Variants in PHF21B observed in about 807,000 individuals in gnomAD.
PHF21B encodes PHD finger protein 4.
PHF21B carries 22 observed loss-of-function variants against 62.2 expected under a neutral mutation model. The ratio of observed to expected loss-of-function variants is 0.35; its 90% CI spans 0.25 to 0.51. PHF21B has a LOEUF of 0.51. PHF21B is among the 20% of genes least tolerant of loss of function. The pLI is 0.97. For synonymous variants in PHF21B, 341 were observed against 314.7 expected (o/e 1.08, Z -0.88); for missense variants, 701 against 707.9 (o/e 0.99, Z 0.11).
rs543396043 is a variant in PHF21B at position 44,934,105 on chromosome 22, C to T, written c.121-13615G>A. ...CTCCTCTGACGTGGGCATGGCAGCC[C>T]GTCCCCTCCTGGGGACTGCTGACCC... On this transcript the variant is annotated intron_variant, in intron 2 of 12. Coordinates refer to ENST00000313237, the MANE Select transcript of PHF21B (RefSeq NM_138415.5). 4.6e-4 allele frequency among the ~76,000 whole-genome samples: 70 copies of T among 152,318 alleles called. 1 individual carries two copies. The highest frequency in any genetic ancestry group is 1.3e-3 in the Admixed American group (20 of 15,308).
intron 2 of PHF21B, among the ~76,000 whole-genome samples, chr22:44,946,377 G>C (rs749363454): frequency 6.6e-6 from 1 of 152,178 alleles, no homozygotes; most frequent in Non-Finnish European, 1.5e-5. Flanking sequence ...GATCCCTCCT[G>C]CTGGGCTCTC....
At chr22:44,999,283 A>G (rs2073171129) in intron 2 of PHF21B, among the ~76,000 whole-genome samples, 1 of 152,160 alleles carries the variant, frequency 6.6e-6, no homozygotes. Context: ...TCCACCTTAA[A>G]CTATAAAATA....
intron 2 of PHF21B, among the ~76,000 whole-genome samples, chr22:44,970,765 C>A (rs1569264117): frequency 6.6e-6 from 1 of 152,134 alleles, no homozygotes; most frequent in Admixed American, 6.5e-5. Context: ...AAATTTAACT[C>A]TAAGCTCTTT....
chr22:44,919,561 G>C, intron 3 of PHF21B, among the ~76,000 whole-genome samples: 1 of 152,012 alleles, frequency 6.6e-6, no homozygotes, highest in South Asian at 2.1e-4. Context: ...AGCTCAGGGC[G>C]GCCACCTCTC....
chr22:44,921,335 G>A (rs2071531287), intron 2 of PHF21B, among the ~76,000 whole-genome samples: 1 of 151,696 alleles, frequency 6.6e-6, no homozygotes, highest in African/African-American at 2.4e-5. Context: ...ACTACCCACA[G>A]CCCCCGATGG....
chr22:44,986,837 C>A (rs554768831), intron 2 of PHF21B, among the ~76,000 whole-genome samples: 2 of 150,674 alleles, frequency 1.3e-5, no homozygotes, highest in African/African-American at 2.4e-5. Context: ...GGGGAGAGGG[C>A]AGGTGCAGGC....
chr22:44,912,368 G>C (rs1045430701), intron 5 of PHF21B, among the ~76,000 whole-genome samples: 18 of 152,172 alleles, frequency 1.2e-4, no homozygotes, highest in African/African-American at 3.9e-4. Flanking sequence ...TGGTTTGGCT[G>C]TGTCCTCACC....
At chr22:44,934,609 C>T (rs961741564) in intron 2 of PHF21B, among the ~76,000 whole-genome samples, 3 of 152,128 alleles carry the variant, frequency 2.0e-5, no homozygotes, top group African/African-American at 7.2e-5. Flanking sequence ...TAAGCTGTCT[C>T]GACTCTGCAG....
chr22:44,988,296 G>A (rs746505450), intron 2 of PHF21B, among the ~76,000 whole-genome samples: 2 of 152,018 alleles, frequency 1.3e-5, no homozygotes, highest in Non-Finnish European at 2.9e-5. Flanking sequence ...GTGAGACCTC[G>A]TCTCTGCAAA....
chr22:44,968,455 C>T (rs895633817), intron 2 of PHF21B, among the ~76,000 whole-genome samples: 1 of 152,030 alleles, frequency 6.6e-6, no homozygotes, highest in African/African-American at 2.4e-5. Flanking sequence ...ACCAGCCTGG[C>T]CAACATGGCA....
chr22:44,922,576 G>T (rs1012499226), intron 2 of PHF21B, among the ~76,000 whole-genome samples: 1 of 150,554 alleles, frequency 6.6e-6, no homozygotes, highest in African/African-American at 2.5e-5. Context: ...AGGTTGCAGT[G>T]AGCCGAGATC....
intron 3 of PHF21B, 70 bp from the exon 4 acceptor site, chr22:44,916,700 G>T: frequency 7.3e-7 from 1 of 1,367,580 alleles, no homozygotes; most frequent in Non-Finnish European, 1.0e-6. Flanking sequence ...GGCCGCCCTG[G>T]CTCGGAGACT....
At chr22:45,002,617 T>C (rs2073240204) in intron 2 of PHF21B, among the ~76,000 whole-genome samples, 1 of 152,182 alleles carries the variant, frequency 6.6e-6, no homozygotes, top group South Asian at 2.1e-4. Flanking sequence ...TCTCATGCAC[T>C]TGGGGAACCC....
rs556758097 is a variant in PHF21B, at chr22:44,890,018, A to G, written c.1016-236T>C. Among the ~76,000 whole-genome samples the G allele has an allele frequency of 3.6e-5, 4 of 112,022 alleles. No individual in the cohort carries two copies. In the East Asian group the frequency reaches 2.2e-3, roughly 62 times the overall value. 73.5% of individuals were successfully genotyped at this position (112,022 alleles called of 152,430 possible). A position where few individuals can be genotyped will look rare whatever the true frequency, so the allele number is the denominator to read the frequency against. On this transcript the variant is annotated intron_variant, in intron 8 of 12. Transcript: ENST00000313237. The stretch of plus-strand genomic sequence containing the variant: ...ATGATGGGAATATCACAAGGCCCCC[A>G]TGACACCTGGGCTCACCCCAGGGCA...
chr22:44,918,111 G>A (rs1489697617), intron 3 of PHF21B, among the ~76,000 whole-genome samples: 1 of 152,210 alleles, frequency 6.6e-6, no homozygotes, highest in African/African-American at 2.4e-5. Context: ...CAATACCAAA[G>A]GCTTTAAAAA....
Position 44,912,878 on chromosome 22 carries a change from C to CAAAA in PHF21B, c.831+940_831+943dup, listed in dbSNP as rs3087031. Among the ~76,000 whole-genome samples the CAAAA allele has an allele frequency of 9.0e-4, 41 of 45,600 alleles. 4 individuals carry two copies. The highest frequency in any genetic ancestry group is 2.2e-3 in the South Asian group (2 of 898). The allele number at this position is 45,600 out of a possible 152,430, so 29.9% of individuals were successfully genotyped here. ...TGGCTCAAAGAGTCAGACTCTATCT[C>CAAAA]AAAAAAAAAAAAAAAAAAAGACAAA... On this transcript the variant is annotated intron_variant, in intron 5 of 12. Transcript: ENST00000313237.
chr22:44,885,960 G>T, intron 10 of PHF21B, 22 bp from the exon 11 acceptor site: 1 of 1,611,362 alleles, frequency 6.2e-7, no homozygotes, highest in African/African-American at 1.3e-5. Context: ...ACGGGGAGAT[G>T]AAAAAGTGGA....
chr22:44,978,599 T>A (rs997789560), intron 2 of PHF21B, among the ~76,000 whole-genome samples: 5 of 152,218 alleles, frequency 3.3e-5, no homozygotes, highest in African/African-American at 1.2e-4. Flanking sequence ...CCTCAAGTGA[T>A]CCACCCGCCT....
intron 2 of PHF21B, among the ~76,000 whole-genome samples, chr22:45,003,887 A>G (rs992440630): frequency 1.3e-5 from 2 of 152,250 alleles, no homozygotes; most frequent in Non-Finnish European, 2.9e-5. Flanking sequence ...GCCAGTCACA[A>G]AAAGATGTAA....
Sources: allele counts gnomAD v4.1 joint callset (sites outside exome capture counted in the v4.1 genomes callset), GRCh38; gene constraint gnomAD v4.1.1; transcripts MANE v1.5; gene names NCBI Gene and HGNC (gene_info 2026-07-23, HGNC 2026-07-21).